PLXNA4: variants seen among roughly 807,000 people sequenced by gnomAD.
The protein encoded by PLXNA4 is plexin A4.
Under a neutral mutation model 191.8 loss-of-function variants are expected in PLXNA4, and 44 were observed. That is an observed-to-expected ratio of 0.23 (90% CI 0.18 to 0.29). The LOEUF is 0.29. PLXNA4 is among the 10% of genes least tolerant of loss of function. The probability of loss-of-function intolerance (pLI) is 1.00; values close to 1 mark genes in which losing one functional copy is unlikely to be tolerated. For synonymous variants in PLXNA4, 1,082 were observed against 1,009.5 expected, an observed-to-expected ratio of 1.07 and a Z score of -1.36; for missense variants, 1,800 against 2,488.8, an observed-to-expected ratio of 0.72 and a Z score of 5.89.
chr7:132,277,020 A>G (rs968053743), intron 4 of PLXNA4, among the ~76,000 whole-genome samples: 3 of 152,200 alleles, frequency 2.0e-5, no homozygotes, highest in Non-Finnish European at 4.4e-5. Context: ...TTTGATTTTT[A>G]AAGAATTTTT....
intron 2 of PLXNA4, among the ~76,000 whole-genome samples, chr7:132,590,907 C>A (rs999107943): frequency 6.6e-6 from 1 of 152,076 alleles, no homozygotes; most frequent in Non-Finnish European, 1.5e-5. Context: ...TGGCTCCGGG[C>A]TTGGTGCAGG....
At chr7:132,145,841 G>A (rs768799318) in intron 28 of PLXNA4, among the ~76,000 whole-genome samples, 5 of 150,962 alleles carry the variant, frequency 3.3e-5, no homozygotes, top group Admixed American at 1.3e-4. Flanking sequence ...AGGCTGAGGC[G>A]GACGGATCAT....
chr7:132,586,488 C>T (rs142273360), intron 2 of PLXNA4, among the ~76,000 whole-genome samples: 141 of 152,328 alleles, frequency 9.3e-4, no homozygotes, highest in Non-Finnish European at 1.6e-3. Flanking sequence ...TGGTGGCTCA[C>T]GCCTATGATC....
intron 3 of PLXNA4, among the ~76,000 whole-genome samples, chr7:132,388,886 C>T (rs1420254071): frequency 2.6e-5 from 4 of 152,158 alleles, no homozygotes; most frequent in Non-Finnish European, 5.9e-5. Flanking sequence ...TTCTTTCTGG[C>T]AAGTCCCATA....
At chr7:132,632,408 G>T (rs976099813) in intron 2 of PLXNA4, among the ~76,000 whole-genome samples, 6 of 152,094 alleles carry the variant, frequency 3.9e-5, no homozygotes, top group African/African-American at 9.7e-5. Context: ...ACCCTATAAA[G>T]TAGCTACTAT....
At chr7:132,491,497 C>T (rs574132273) in intron 2 of PLXNA4, among the ~76,000 whole-genome samples, 3 of 152,278 alleles carry the variant, frequency 2.0e-5, no homozygotes, top group South Asian at 2.1e-4. Flanking sequence ...AGAGCGAAAA[C>T]GGGGAGAGCG....
Position 132,507,510 on chromosome 7 carries a change from C to T in PLXNA4, c.1184G>A (p.Ser395Asn). 1 of 1,609,330 alleles carries T rather than the reference C, an allele frequency of 6.2e-7. No individual in the cohort carries two copies. The highest frequency in any genetic ancestry group is 8.5e-7 in the Non-Finnish European group (1 of 1,177,938). ...CGCAGCCCTCCCTGTACTCACCGCA[C>T]TGCTGCAGGGGATGTCCTTCACCTT... is the stretch of plus-strand genomic sequence containing the variant. ...WLKVKDIPCS[S>N]ALLTIDDNFC... Residue 395 changes from serine to asparagine, a missense_variant, in exon 2 of 32, where the codon AGT becomes AAT. Transcript: ENST00000321063.
chr7:132,553,485 C>G (rs1328599387), intron 1 of PLXNA4, among the ~76,000 whole-genome samples: 1 of 152,122 alleles, frequency 6.6e-6, no homozygotes, highest in Non-Finnish European at 1.5e-5. Flanking sequence ...GGGCCAGAGA[C>G]AGCTGTCCCC....
Position 132,300,796 on chromosome 7 carries a change from G to C in PLXNA4, c.1372-2574C>G, listed in dbSNP as rs190097975. On this transcript the variant is annotated intron_variant, in intron 3 of 31. Coordinates refer to ENST00000321063, the MANE Select transcript of PLXNA4 (RefSeq NM_020911.2). ...TACTGAATGCCCTGGCTGGTCTCCAGCCCCCTCAGGCCACCGTCGGCCAGA... is the reference window on the plus strand; with the variant it reads ...TACTGAATGCCCTGGCTGGTCTCCACCCCCCTCAGGCCACCGTCGGCCAGA... Among the ~76,000 whole-genome samples, 348 of 152,370 alleles carry C rather than the reference G, an allele frequency of 2.3e-3. 3 individuals carry two copies. Among genetic ancestry groups the C allele is most frequent in the African/African-American group, 8.0e-3 (334 of 41,596 alleles).
At position 132,507,877 on chromosome 7, in the gene PLXNA4, C is replaced by G. The variant is rs746786569; in HGVS notation, c.817G>C (p.Glu273Gln). ...MVSPPGSTTK[E>Q]QVYTSKLVRL... ...ACGAGCTTGGATGTATACACCTGCTCCTTGGTGGTGGAGCCTGGTGGAGAC... is the reference window on the plus strand; with the variant it reads ...ACGAGCTTGGATGTATACACCTGCTGCTTGGTGGTGGAGCCTGGTGGAGAC... The change falls in exon 2 of 32, where the codon GAG (glutamate) becomes CAG (glutamine). Residue 273 changes from glutamate to glutamine, a missense_variant. Glu to Gln is a conservative substitution (Grantham distance 29, BLOSUM62 2). Transcript: ENST00000321063. 18 of 1,614,024 alleles carry G rather than the reference C, an allele frequency of 1.1e-5. No individual in the cohort carries two copies. The highest frequency in any genetic ancestry group is 1.5e-5 in the Non-Finnish European group (18 of 1,180,042).
rs536321930 is a variant in PLXNA4 at position 132,323,427 on chromosome 7, C to A, written c.1372-25205G>T. ...TGATCTGAGGAGTTAGGCATTATTACCTCCAAAGCCTAAGAGAAAGTGGTA... is the reference window on the plus strand; with the variant it reads ...TGATCTGAGGAGTTAGGCATTATTAACTCCAAAGCCTAAGAGAAAGTGGTA... On this transcript the variant is annotated intron_variant, in intron 3 of 31. Coordinates refer to ENST00000321063, the MANE Select transcript of PLXNA4 (RefSeq NM_020911.2). 3.9e-5 allele frequency among the ~76,000 whole-genome samples: 6 copies of A among 152,294 alleles called. No homozygotes were observed. The South Asian group carries it at 1.2e-3, about 32-fold the overall frequency.
At chr7:132,399,304 A>G (rs936357987) in intron 3 of PLXNA4, among the ~76,000 whole-genome samples, 17 of 152,210 alleles carry the variant, frequency 1.1e-4, no homozygotes, top group Non-Finnish European at 1.5e-5. Flanking sequence ...CAGGCCTTAG[A>G]GGGACTGATC....
chr7:132,239,507 C>T (rs1469583835), intron 5 of PLXNA4, among the ~76,000 whole-genome samples: 3 of 152,136 alleles, frequency 2.0e-5, no homozygotes, highest in Non-Finnish European at 4.4e-5. Flanking sequence ...GCAGAGCTAT[C>T]CTCAGCCAAG....
At chr7:132,395,028 C>A (rs754903639) in intron 3 of PLXNA4, among the ~76,000 whole-genome samples, 1 of 152,200 alleles carries the variant, frequency 6.6e-6, no homozygotes, top group Non-Finnish European at 1.5e-5. Context: ...CACACTCCAG[C>A]GAAAGTGAAG....
chr7:132,151,405 G>A (rs1429429024), intron 25 of PLXNA4, among the ~76,000 whole-genome samples: 1 of 72,096 alleles, frequency 1.4e-5, no homozygotes, highest in African/African-American at 7.9e-5. Context: ...GGAGGAGGAG[G>A]AGGAAGGAGG....
At chr7:132,416,032 A>G (rs1794646158) in intron 3 of PLXNA4, among the ~76,000 whole-genome samples, 2 of 152,234 alleles carry the variant, frequency 1.3e-5, no homozygotes, top group Admixed American at 6.5e-5. Context: ...TTTAAAATCT[A>G]GTTCCTTAGT....
intron 2 of PLXNA4, among the ~76,000 whole-genome samples, chr7:132,504,054 C>T (rs1798360124): frequency 6.6e-6 from 1 of 152,212 alleles, no homozygotes; most frequent in East Asian, 1.9e-4. Context: ...GTGACAGGTT[C>T]GTTTATGTCC....
intron 2 of PLXNA4, among the ~76,000 whole-genome samples, chr7:132,595,280 T>A (rs534960688): frequency 6.6e-6 from 1 of 152,198 alleles, no homozygotes; most frequent in Non-Finnish European, 1.5e-5. Context: ...TTGTCTATCT[T>A]TAAACAGAGA....
chr7:132,239,962 T>C (rs1798823047), intron 5 of PLXNA4, among the ~76,000 whole-genome samples: 1 of 152,200 alleles, frequency 6.6e-6, no homozygotes, highest in Non-Finnish European at 1.5e-5. Context: ...TGCCTGAGAC[T>C]GCCACCCAGA....
Sources: allele counts gnomAD v4.1 joint callset (sites outside exome capture counted in the v4.1 genomes callset), GRCh38; gene constraint gnomAD v4.1.1; transcripts MANE v1.5; gene names NCBI Gene and HGNC (gene_info 2026-07-23, HGNC 2026-07-21).